Variants in PDE8B observed in about 807,000 individuals in gnomAD.
PDE8B encodes phosphodiesterase 8B.
Under a neutral mutation model 101.3 loss-of-function variants are expected in PDE8B, and 26 were observed. The observed-to-expected ratio is 0.26, with a 90% CI of 0.19 to 0.36. The LOEUF is 0.36. PDE8B is among the 10% of genes least tolerant of loss of function. The pLI is 1.00. For missense variants in PDE8B, 810 were observed against 1,163.1 expected (o/e 0.70, Z 4.42); for synonymous variants, 424 against 429.3 (o/e 0.99, Z 0.15).
At chr5:77,254,320 A>T (rs1363277111) in intron 1 of PDE8B, among the ~76,000 whole-genome samples, 1 of 152,202 alleles carries the variant, frequency 6.6e-6, no homozygotes, top group African/African-American at 2.4e-5. Context: ...AAACTGCCTC[A>T]AAAGTAGACA....
the PDE8B span, among the ~76,000 whole-genome samples, chr5:77,194,069 T>C: frequency 1.3e-5 from 2 of 152,212 alleles, no homozygotes; most frequent in Admixed American, 6.5e-5. Context: ...ACAATTATGT[T>C]GTCTGTGAAT....
intron 10 of PDE8B, among the ~76,000 whole-genome samples, chr5:77,380,458 A>G (rs546716886): frequency 1.3e-5 from 2 of 152,336 alleles, no homozygotes; most frequent in East Asian, 1.9e-4. Flanking sequence ...ATTTGGCACT[A>G]TCTGAGCCCA....
At chr5:77,396,333 TCAGA>T (rs1344333283) in intron 10 of PDE8B, among the ~76,000 whole-genome samples, 1 of 152,220 alleles carries the variant, frequency 6.6e-6, no homozygotes, top group African/African-American at 2.4e-5. Context: ...TGATCTGAGC[TCAGA>T]CAGACCCACA....
chr5:77,287,989 T>G (rs139188240), intron 1 of PDE8B, among the ~76,000 whole-genome samples: 211 of 152,360 alleles, frequency 1.4e-3, no homozygotes, highest in African/African-American at 4.9e-3. Context: ...TGCTTATTTC[T>G]TCTGAGCATT....
the PDE8B span, among the ~76,000 whole-genome samples, chr5:77,160,499 G>A: frequency 6.6e-6 from 1 of 152,194 alleles, no homozygotes; most frequent in Non-Finnish European, 1.5e-5. Flanking sequence ...AGGGTTAACT[G>A]TAGATTGTCG....
In PDE8B at chr5:77,367,168, C is replaced by G. The variant is rs937805302; in HGVS notation, c.1167+13762C>G. Among the ~76,000 whole-genome samples the G allele has an allele frequency of 6.6e-5, 10 of 152,086 alleles. No homozygotes were observed. The East Asian group carries it at 1.3e-3, about 20-fold the overall frequency. ...TGTTTTCTCAAAACACACACACACA[C>G]ACACACACACACACACACACAAATG... On this transcript the variant is annotated intron_variant, in intron 10 of 21. Transcript: ENST00000264917.
At chr5:77,307,819 C>T (rs762096081) in intron 1 of PDE8B, among the ~76,000 whole-genome samples, 2 of 152,180 alleles carry the variant, frequency 1.3e-5, no homozygotes, top group East Asian at 3.9e-4. Flanking sequence ...TGGTCCCACC[C>T]TCCCCTCTTC....
chr5:77,211,511 A>G lies in PDE8B; in HGVS notation c.339+247A>G, dbSNP rs976961166. Among the ~76,000 whole-genome samples the G allele has an allele frequency of 6.6e-6, 1 of 152,138 alleles. No individual in the cohort carries two copies. Among genetic ancestry groups the G allele is most frequent in the Non-Finnish European group, 1.5e-5 (1 of 68,022 alleles). ...TCCTGGGGGACTGGGCGGGGAAGGG[A>G]GCGCAGAAGGAAGCAGGTGGGCTGG... On this transcript the variant is annotated intron_variant, in intron 1 of 21. Transcript: ENST00000264917. The surrounding 1 kb of genome is among the most constrained non-coding windows in gnomAD (Gnocchi z 4.1).
At chr5:77,094,596 A>G in the PDE8B span, among the ~76,000 whole-genome samples, 1 of 152,190 alleles carries the variant, frequency 6.6e-6, no homozygotes, top group Admixed American at 6.5e-5. Context: ...ATGAGCCACT[A>G]TGCCTGCCAT....
chr5:77,419,975 CA>C (rs1796299797), intron 19 of PDE8B, 88 bp downstream of exon 19: 1 of 1,450,226 alleles, frequency 6.9e-7, no homozygotes, highest in Non-Finnish European at 9.7e-7. Flanking sequence ...CTCTCCCACT[CA>C]AATGTAAGGT....
intron 1 of PDE8B, 26 bp from the exon 2 acceptor site, chr5:77,311,968 C>T: frequency 1.3e-6 from 2 of 1,599,824 alleles, no homozygotes; most frequent in Admixed American, 1.7e-5. Context: ...AGACTTGACG[C>T]TTCTCTTGTG....
At chr5:77,180,420 C>G in the PDE8B span, 1 of 984,566 alleles carries the variant, frequency 1.0e-6, no homozygotes, top group Non-Finnish European at 1.2e-6. Flanking sequence ...ACGGGCACCA[C>G]CAGGGCGCCC....
chr5:77,227,823 G>T (rs1171992177), intron 1 of PDE8B, among the ~76,000 whole-genome samples: 2 of 152,216 alleles, frequency 1.3e-5, no homozygotes, highest in Non-Finnish European at 2.9e-5. Flanking sequence ...TTAGATTTAA[G>T]AATACAAAGT....
the PDE8B span, among the ~76,000 whole-genome samples, chr5:77,163,662 G>A: frequency 1.2e-4 from 18 of 152,252 alleles, no homozygotes; most frequent in Non-Finnish European, 1.6e-4. Flanking sequence ...GGACTGGGTC[G>A]GCAGCTGTTT....
At chr5:77,373,504 C>T (rs1349878009) in intron 10 of PDE8B, among the ~76,000 whole-genome samples, 1 of 152,132 alleles carries the variant, frequency 6.6e-6, no homozygotes, top group East Asian at 1.9e-4. Context: ...CCTCCTGACC[C>T]TCCTTGCCCT....
At chr5:77,115,791 G>A in the PDE8B span, among the ~76,000 whole-genome samples, 3 of 152,150 alleles carry the variant, frequency 2.0e-5, no homozygotes, top group Admixed American at 6.6e-5. Flanking sequence ...CAACAGCAAC[G>A]ACCCTCTTGA....
At chr5:77,408,809 T>G in intron 13 of PDE8B, 84 bp from the exon 14 acceptor site, 7 of 1,078,992 alleles carry the variant, frequency 6.5e-6, no homozygotes, top group Non-Finnish European at 1.0e-5. Context: ...ACCCACTGAT[T>G]TCTTTTGGAT....
chr5:77,346,347 T>C (rs1272766459), intron 7 of PDE8B, among the ~76,000 whole-genome samples: 1 of 152,186 alleles, frequency 6.6e-6, no homozygotes, highest in Non-Finnish European at 1.5e-5. Context: ...ATACCCCGAC[T>C]TGGACAATCG....
intron 11 of PDE8B, among the ~76,000 whole-genome samples, chr5:77,403,604 TA>T (rs1792772944): frequency 6.6e-6 from 1 of 152,092 alleles, no homozygotes; most frequent in Non-Finnish European, 1.5e-5. Context: ...TAGATAATTT[TA>T]AAAATATATA....
Sources: gnomAD v4.1 joint callset for allele counts (sites outside exome capture counted in the v4.1 genomes callset) on GRCh38, gnomAD v4.1.1 for gene constraint, Gnocchi (gnomAD v3.1) non-coding constraint, MANE v1.5 for transcripts, NCBI Gene and HGNC (gene_info 2026-07-23, HGNC 2026-07-21) for gene names.